Variants in METTL15 observed in about 807,000 individuals in gnomAD.
METTL15 encodes methyltransferase 15, mitochondrial 12S rRNA N4-cytidine.
In METTL15, 34 loss-of-function variants were observed where a neutral mutation model predicts 38.3. The ratio of observed to expected loss-of-function variants is 0.89; its 90% CI spans 0.68 to 1.18. The LOEUF is 1.18. Among genes scored for constraint, METTL15 ranks in the 50% most tolerant of loss-of-function variants. METTL15 has a pLI of 0.00. For synonymous variants in METTL15, 162 were observed against 170.9 expected (o/e 0.95, Z 0.41); for missense variants, 438 against 498.4 (o/e 0.88, Z 1.15).
At chr11:28,334,462 C>G (rs1052388559), downstream of METTL15, among the ~76,000 whole-genome samples, 4 of 151,896 alleles carry the variant, frequency 2.6e-5, no homozygotes, top group Non-Finnish European at 5.9e-5. Flanking sequence ...TAGCAGCATT[C>G]TATAATAGAC....
chr11:28,476,756 A>C (rs1323117598), intron 6 of METTL15, among the ~76,000 whole-genome samples: 1 of 152,168 alleles, frequency 6.6e-6, no homozygotes, highest in African/African-American at 2.4e-5. Flanking sequence ...GCACACCTTA[A>C]GCTAACCAGT....
intron 6 of METTL15, among the ~76,000 whole-genome samples, chr11:28,465,318 G>A (rs972969872): frequency 6.6e-6 from 1 of 151,942 alleles, no homozygotes; most frequent in African/African-American, 2.4e-5. Flanking sequence ...TCCTTTCAAT[G>A]TTAATGATCT....
chr11:28,385,135 C>T (rs1321504901), intron 5 of METTL15, among the ~76,000 whole-genome samples: 3 of 152,134 alleles, frequency 2.0e-5, no homozygotes, highest in Non-Finnish European at 4.4e-5. Flanking sequence ...TGTGCAGAAG[C>T]TCTTTAGTTT....
At chr11:28,453,527 A>T (rs540590111) in intron 6 of METTL15, among the ~76,000 whole-genome samples, 71 of 152,346 alleles carry the variant, frequency 4.7e-4, no homozygotes, top group African/African-American at 1.7e-3. Flanking sequence ...ACTAATCTGT[A>T]ACTTTCCTCC....
At chr11:28,513,226 GTC>G (rs1369362748) in intron 6 of METTL15, among the ~76,000 whole-genome samples, 1 of 152,166 alleles carries the variant, frequency 6.6e-6, no homozygotes, top group African/African-American at 2.4e-5. Context: ...TGACTGGGAC[GTC>G]TCCAAATGTG....
rs562635205 is a variant in METTL15 at position 28,246,316 on chromosome 11, TA to T, written c.407+35124del. On this transcript the variant is annotated intron_variant, in intron 4 of 6. Coordinates refer to ENST00000407364, the MANE Select transcript of METTL15 (RefSeq NM_001113528.2). ...TGAAAATATGTGTATTATGTGTCAA[TA>T]AAAAATTATTTATCCTTTTATTTAG... Among the ~76,000 whole-genome samples the T allele has an allele frequency of 8.5e-5, 13 of 152,260 alleles. No homozygotes were observed. In the South Asian group the frequency reaches 2.5e-3, roughly 29 times the overall value.
chr11:28,157,880 A>C (rs780581128), intron 3 of METTL15, among the ~76,000 whole-genome samples: 1 of 152,180 alleles, frequency 6.6e-6, no homozygotes, highest in Non-Finnish European at 1.5e-5. Flanking sequence ...TGGTTCACAG[A>C]TAGTTCTGCA....
rs765506403 is a variant in METTL15 at position 28,216,913 on chromosome 11, AG to A, written c.407+5716del. On this transcript the variant is annotated intron_variant, in intron 4 of 6. Transcript: ENST00000407364. ...AACTCATCTTTTTTTATGGCTGCAT[AG>A]TATTCCATGGTGTATATGTGCCACA... 9.9e-5 allele frequency among the ~76,000 whole-genome samples: 15 copies of A among 151,852 alleles called. No homozygotes were observed. The East Asian group carries it at 1.6e-3, about 16-fold the overall frequency.
In METTL15 at chr11:28,464,997, C is replaced by A. The variant is rs781179322; in HGVS notation, c.*424+40633C>A. On this transcript the variant is annotated intron_variant and NMD_transcript_variant, in intron 6 of 7. Transcript: ENST00000532947. ...TTCTTGGAAGATCTGGTCACACTCA[C>A]TCTATTTCCTTTTCTGCCTACTCAT... Among the ~76,000 whole-genome samples, 7 of 152,318 alleles carry A rather than the reference C, an allele frequency of 4.6e-5. No individual in the cohort carries two copies. The South Asian group carries it at 1.2e-3, about 27-fold the overall frequency.
chr11:28,237,924 C>T (rs1565192442), intron 4 of METTL15, among the ~76,000 whole-genome samples: 3 of 152,260 alleles, frequency 2.0e-5, no homozygotes, highest in Middle Eastern at 3.4e-3. Context: ...CGCGGATTTT[C>T]GTGATCCGCA....
chr11:28,204,815 A>G (rs1031538525), intron 3 of METTL15, among the ~76,000 whole-genome samples: 4 of 151,976 alleles, frequency 2.6e-5, no homozygotes, highest in Non-Finnish European at 5.9e-5. Context: ...AGATGAAACA[A>G]TTGAGGCTTA....
intron 6 of METTL15, among the ~76,000 whole-genome samples, chr11:28,321,095 C>T (rs1296410132): frequency 1.3e-5 from 2 of 152,108 alleles, no homozygotes; most frequent in Admixed American, 6.6e-5. Flanking sequence ...TTGGCAGAAC[C>T]TTTAAATTAA....
chr11:28,113,168 T>G, intron 2 of METTL15, 150 bp from the exon 3 acceptor site: 1 of 555,854 alleles, frequency 1.8e-6, no homozygotes, highest in South Asian at 3.1e-5. Flanking sequence ...ATAAGAAGGG[T>G]TTGTCACCTT....
At chr11:28,198,693 A>G (rs1260757549) in intron 3 of METTL15, among the ~76,000 whole-genome samples, 1 of 152,174 alleles carries the variant, frequency 6.6e-6, no homozygotes, top group South Asian at 2.1e-4. Flanking sequence ...CGAGCTTCAC[A>G]AGACAATAAT....
intron 4 of METTL15, among the ~76,000 whole-genome samples, chr11:28,232,192 G>A (rs929685493): frequency 7.2e-5 from 11 of 151,822 alleles, no homozygotes; most frequent in African/African-American, 2.7e-4. Context: ...AAATATTTAT[G>A]TAAAAATGTT....
At position 28,296,838 on chromosome 11, in the gene METTL15, G is replaced by C; in HGVS notation, c.685G>C (p.Glu229Gln). ...ATCTATCCTAAGAACATACGGGGAG[G>C]AGAAGCATGCCAAGAAAATCGCTTC... Reference protein sequence around the residue: ...LASILRTYGEEKHAKKIASAI... With the variant: ...LASILRTYGEQKHAKKIASAI... Residue 229 changes from glutamate to glutamine, a missense_variant, in exon 6 of 7, where the codon GAG (glutamate) becomes CAG (glutamine). By Grantham distance (29) the Glu-to-Gln change is conservative (BLOSUM62 2). Transcript: ENST00000407364. The C allele has an allele frequency of 1.2e-6, 2 of 1,613,558 alleles. No individual in the cohort carries two copies. The highest frequency in any genetic ancestry group is 1.7e-6 in the Non-Finnish European group (2 of 1,179,700).
At chr11:28,397,976 A>T (rs555252479) in intron 5 of METTL15, among the ~76,000 whole-genome samples, 1 of 152,104 alleles carries the variant, frequency 6.6e-6, no homozygotes, top group Non-Finnish European at 1.5e-5. Context: ...TTCTCAGCAA[A>T]CTATCACAAG....
downstream of METTL15, among the ~76,000 whole-genome samples, chr11:28,529,254 G>A (rs866247031): frequency 1.3e-5 from 2 of 152,064 alleles, no homozygotes; most frequent in African/African-American, 4.8e-5. Flanking sequence ...ACACTAGACC[G>A]CAGCCTTGTG....
At chr11:28,349,803 T>A (rs2133360294) in intron 3 of METTL15, among the ~76,000 whole-genome samples, 1 of 152,322 alleles carries the variant, frequency 6.6e-6, no homozygotes, top group Non-Finnish European at 1.5e-5. Context: ...ACTGTTCTGA[T>A]TTGTATCAGA....
Sources: allele counts gnomAD v4.1 joint callset (sites outside exome capture counted in the v4.1 genomes callset), GRCh38; gene constraint gnomAD v4.1.1; transcripts MANE v1.5; gene names NCBI Gene and HGNC (gene_info 2026-07-23, HGNC 2026-07-21).